XKR6: variants seen among roughly 807,000 people sequenced by gnomAD.
XKR6 encodes XK related 6, also known as XK-related protein 6.
A neutral mutation model predicts 56.7 loss-of-function variants in XKR6; 22 were observed. The observed-to-expected ratio is 0.39, with a 90% confidence interval of 0.28 to 0.55. The LOEUF is 0.55. Among genes scored for constraint, XKR6 ranks in the 20% least tolerant of loss-of-function variants. XKR6 has a pLI of 0.66. For missense variants in XKR6, 852 were observed against 889.0 expected, an observed-to-expected ratio of 0.96 and a Z score of 0.53; for synonymous variants, 524 against 387.8, an observed-to-expected ratio of 1.35 and a Z score of -4.13.
At chr8:10,991,073 T>G (rs1014824769) in intron 1 of XKR6, among the ~76,000 whole-genome samples, 1 of 151,814 alleles carries the variant, frequency 6.6e-6, no homozygotes, top group Non-Finnish European at 1.5e-5. Flanking sequence ...CCAGCTGATT[T>G]TTGTATTTTT....
chr8:11,060,991 G>C lies in XKR6; in HGVS notation c.765-136161C>G, dbSNP rs193069131. ...AACTTGCCCAACATCTCCAAGGCTG[G>C]GTTTGGAGCCAGGTCTAAAGCCTGT... On this transcript the variant is annotated intron_variant, in intron 1 of 2. Coordinates refer to ENST00000416569, the MANE Select transcript of XKR6 (RefSeq NM_173683.4). Among the ~76,000 whole-genome samples the C allele has an allele frequency of 5.9e-4, 90 of 152,286 alleles. 1 individual carries two copies. The East Asian group carries it at 0.016, about 26-fold the overall frequency.
intron 1 of XKR6, among the ~76,000 whole-genome samples, chr8:10,990,926 A>G (rs1369465130): frequency 1.8e-5 from 2 of 111,356 alleles, no homozygotes; most frequent in Admixed American, 1.0e-4. Context: ...TTTTCGAGAC[A>G]GAGTCTCACT....
chr8:10,913,474 C>G (rs1800467960), intron 2 of XKR6, among the ~76,000 whole-genome samples: 1 of 152,190 alleles, frequency 6.6e-6, no homozygotes, highest in South Asian at 2.1e-4. Context: ...GCACTTCACT[C>G]AGCCAAAGCC....
intron 2 of XKR6, among the ~76,000 whole-genome samples, chr8:10,911,457 G>T (rs11991662): frequency 0.29 from 42,095 of 147,224 alleles, 7,675 homozygotes; most frequent in African/African-American, 0.51. Flanking sequence ...TACATATATA[G>T]AGAGAGAATA....
intron 1 of XKR6, among the ~76,000 whole-genome samples, chr8:11,063,644 G>C (rs1799902989): frequency 6.6e-6 from 1 of 152,216 alleles, no homozygotes; most frequent in Non-Finnish European, 1.5e-5. Context: ...AGCCTGGCTT[G>C]GGTAGGGGAG....
chr8:11,195,652 CTTT>C (rs767554251), intron 1 of XKR6, among the ~76,000 whole-genome samples: 1 of 142,750 alleles, frequency 7.0e-6, no homozygotes. Context: ...CACTGAGTTT[CTTT>C]TTTTTTTTTT....
intron 1 of XKR6, among the ~76,000 whole-genome samples, chr8:10,974,873 T>A (rs1310200866): frequency 6.6e-6 from 1 of 152,186 alleles, no homozygotes; most frequent in Non-Finnish European, 1.5e-5. Flanking sequence ...GGTGAAAAGG[T>A]TCTGTAGACG....
chr8:10,969,285 C>T (rs1355763537), intron 1 of XKR6, among the ~76,000 whole-genome samples: 1 of 152,170 alleles, frequency 6.6e-6, no homozygotes, highest in African/African-American at 2.4e-5. Flanking sequence ...TGCCAGCTTG[C>T]CACCCACCGT....
In XKR6 at chr8:11,055,551, C is replaced by G. The variant is rs537902056; in HGVS notation, c.765-130721G>C. Among the ~76,000 whole-genome samples the G allele has an allele frequency of 6.6e-4, 101 of 152,320 alleles. No homozygotes were observed. In the South Asian group the frequency reaches 0.021, roughly 31 times the overall value. ...GCAGGGAGCGGCATGGGGTTCCGCC[C>G]GCCCCGCCTCACAGCACAGCAGCCC... On this transcript the variant is annotated intron_variant, in intron 1 of 2. Coordinates refer to ENST00000416569, the MANE Select transcript of XKR6 (RefSeq NM_173683.4).
At chr8:11,131,905 G>A (rs1357444884) in intron 1 of XKR6, among the ~76,000 whole-genome samples, 1 of 152,182 alleles carries the variant, frequency 6.6e-6, no homozygotes, top group East Asian at 1.9e-4. Context: ...CTAGGTTTGT[G>A]TATGTCAGTC....
intron 2 of XKR6, among the ~76,000 whole-genome samples, chr8:10,921,460 C>T (rs1273703451): frequency 6.6e-6 from 1 of 152,182 alleles, no homozygotes; most frequent in African/African-American, 2.4e-5. Context: ...TCCACCTGGC[C>T]CTGGAAATGA....
chr8:10,987,958 C>T (rs1009467689), intron 1 of XKR6, among the ~76,000 whole-genome samples: 4 of 152,202 alleles, frequency 2.6e-5, no homozygotes, highest in Non-Finnish European at 4.4e-5. Context: ...TTTGAGAGTA[C>T]CCAGGGGTTA....
intron 1 of XKR6, among the ~76,000 whole-genome samples, chr8:10,955,459 G>A (rs1801856248): frequency 6.6e-6 from 1 of 152,092 alleles, no homozygotes; most frequent in Non-Finnish European, 1.5e-5. Flanking sequence ...AGAATTGCAG[G>A]GGCTCACCAC....
chr8:10,982,782 G>C (rs1797764088), intron 1 of XKR6, among the ~76,000 whole-genome samples: 1 of 152,318 alleles, frequency 6.6e-6, no homozygotes, highest in East Asian at 1.9e-4. Flanking sequence ...AGGTGTTGAA[G>C]TGACCAAAGG....
At chr8:10,945,954 C>T (rs1054720419) in intron 1 of XKR6, among the ~76,000 whole-genome samples, 1 of 152,090 alleles carries the variant, frequency 6.6e-6, no homozygotes, top group Non-Finnish European at 1.5e-5. Context: ...AATATGGGGA[C>T]TATATTTGAT....
At chr8:11,053,056 C>A (rs1259154574) in intron 1 of XKR6, among the ~76,000 whole-genome samples, 1 of 152,182 alleles carries the variant, frequency 6.6e-6, no homozygotes, top group African/African-American at 2.4e-5. Context: ...AGCTGACCCC[C>A]CCACGCGCCA....
At chr8:11,069,341 G>A (rs1344109434) in intron 1 of XKR6, among the ~76,000 whole-genome samples, 1 of 151,934 alleles carries the variant, frequency 6.6e-6, no homozygotes, top group Non-Finnish European at 1.5e-5. Context: ...CAGCCCCCCT[G>A]GTCCATCCCC....
At chr8:11,166,425 G>C (rs1368750002) in intron 1 of XKR6, among the ~76,000 whole-genome samples, 1 of 152,084 alleles carries the variant, frequency 6.6e-6, no homozygotes, top group Non-Finnish European at 1.5e-5. Flanking sequence ...CAAGAACTGT[G>C]AGAGATAAAG....
intron 1 of XKR6, among the ~76,000 whole-genome samples, chr8:11,029,902 C>G (rs1472638452): frequency 6.6e-6 from 1 of 152,170 alleles, no homozygotes; most frequent in African/African-American, 2.4e-5. Context: ...CATTTTCCAT[C>G]CATAACAGAA....
Sources: allele counts gnomAD v4.1 joint callset (sites outside exome capture counted in the v4.1 genomes callset), GRCh38; gene constraint gnomAD v4.1.1; transcripts MANE v1.5; gene names NCBI Gene and HGNC (gene_info 2026-07-23, HGNC 2026-07-21).